The following KDM3A variants were observed in gnomAD, a reference collection of about 807,000 sequenced individuals.
KDM3A encodes lysine demethylase 3A.
In KDM3A, 60 loss-of-function variants were observed where a neutral mutation model predicts 158.0. The ratio of observed to expected loss-of-function variants is 0.38; its 90% confidence interval spans 0.31 to 0.47. KDM3A has a LOEUF of 0.47. Among genes scored for constraint, KDM3A ranks in the 20% least tolerant of loss-of-function variants. The pLI is 0.99. For missense variants in KDM3A, 1,319 were observed against 1,574.3 expected, an observed-to-expected ratio of 0.84 and a Z score of 2.74; for synonymous variants, 608 against 549.3, an observed-to-expected ratio of 1.11 and a Z score of -1.49.
Position 86,484,161 on chromosome 2 carries a change from A to G in KDM3A, c.3094+3A>G. The G allele has an allele frequency of 6.2e-7, 1 of 1,610,346 alleles. No homozygotes were observed. The highest frequency in any genetic ancestry group is 8.5e-7 in the Non-Finnish European group (1 of 1,178,046). On this transcript the variant is annotated splice_donor_region_variant and intron_variant, in intron 19 of 25. Coordinates refer to ENST00000312912, the MANE Select transcript of KDM3A (RefSeq NM_018433.6). ...GGATGGATTTGAAGATGTTCCAAGT[A>G]TGTATGAAAGATCTTTTAAGGGGGT...
chr2:86,456,962 A>G, intron 7 of KDM3A, 21 bp from the exon 8 acceptor site: 1 of 1,582,656 alleles, frequency 6.3e-7, no homozygotes, highest in Non-Finnish European at 8.6e-7. Context: ...AGCCAACTTA[A>G]CCTATTTTTA....
chr2:86,443,457 G>C (rs1347002916), intron 2 of KDM3A: 2 of 152,140 alleles, frequency 1.3e-5, no homozygotes, highest in African/African-American at 2.4e-5. Flanking sequence ...AAAAGGAGGA[G>C]TGACCGAAGA....
chr2:86,467,707 G>A (rs1673218442), intron 10 of KDM3A, among the ~76,000 whole-genome samples: 1 of 152,150 alleles, frequency 6.6e-6, no homozygotes, highest in African/African-American at 2.4e-5. Flanking sequence ...TTAGCTATGT[G>A]GGAAATTGAT....
At chr2:86,478,533 G>C (rs1673770633) in intron 14 of KDM3A, 75 bp from the exon 15 acceptor site, 2 of 1,513,458 alleles carry the variant, frequency 1.3e-6, no homozygotes, top group Non-Finnish European at 1.8e-6. Flanking sequence ...GGGAATGCCA[G>C]CTTCTGCTCT....
At chr2:86,455,944 A>G (rs1353381774) in intron 5 of KDM3A, among the ~76,000 whole-genome samples, 1 of 138,604 alleles carries the variant, frequency 7.2e-6, no homozygotes, top group Non-Finnish European at 1.5e-5. Context: ...TGAGAGCAAG[A>G]CCCTGTCTCA....
At chr2:86,482,715 T>A (rs749265775) in intron 18 of KDM3A, 21 bp downstream of exon 18, 2 of 1,610,946 alleles carry the variant, frequency 1.2e-6, no homozygotes, top group Non-Finnish European at 1.7e-6. Context: ...CCTCCCATCC[T>A]CCTGCCCTAT....
chr2:86,465,102 T>G (rs1354209745), intron 9 of KDM3A, among the ~76,000 whole-genome samples: 1 of 152,218 alleles, frequency 6.6e-6, no homozygotes, highest in Non-Finnish European at 1.5e-5. Context: ...TGAAGTCCTT[T>G]GGTAGAGGCA....
At chr2:86,479,573 A>AG (rs1055902880) in intron 15 of KDM3A, 13 of 131,936 alleles carry the variant, frequency 9.9e-5, no homozygotes, top group African/African-American at 2.7e-4. Flanking sequence ...GGACCACAAC[A>AG]GGGGTTTGAA....
Position 86,482,558 on chromosome 2 carries a change from G to T in KDM3A, c.2786G>T (p.Gly929Val), listed in dbSNP as rs780872286. 3.7e-6 allele frequency: 6 copies of T among 1,613,958 alleles called. No individual in the cohort carries two copies. The highest frequency in any genetic ancestry group is 1.7e-5 in the Admixed American group (1 of 59,994). Residue 929 changes from glycine (G) to valine (V), a missense_variant, in exon 18 of 26, where the codon GGA (glycine) becomes GTA (valine). Physicochemically the swap from Gly to Val is moderately radical, Grantham distance 109 (BLOSUM62 -3). This residue lies in a region of KDM3A where 368 missense variants were observed against 415.8 expected (regional missense o/e 0.89). Transcript: ENST00000312912. ...TCTGATTTATCTAAGAGGCCTCAAG[G>T]ACTAACCATCAAGCCCAGCATTCTG... is the stretch of plus-strand genomic sequence containing the variant. The part of the protein sequence containing the change: ...TTSDLSKRPQ[G>V]LTIKPSILGF...
chr2:86,464,007 T>C (rs1267130557), intron 8 of KDM3A, 46 bp from the exon 9 acceptor site: 1 of 1,388,854 alleles, frequency 7.2e-7, no homozygotes, highest in South Asian at 1.5e-5. Flanking sequence ...TATTATTTCC[T>C]AACTAGGGAC....
At chr2:86,448,051 A>G (rs1001740213) in intron 2 of KDM3A, among the ~76,000 whole-genome samples, 5 of 152,246 alleles carry the variant, frequency 3.3e-5, no homozygotes, top group African/African-American at 1.2e-4. Flanking sequence ...GATTACAGTG[A>G]TAGAAAACAT....
At chr2:86,450,367 T>C (rs1249885160) in intron 3 of KDM3A, among the ~76,000 whole-genome samples, 2 of 152,254 alleles carry the variant, frequency 1.3e-5, no homozygotes, top group East Asian at 1.9e-4. Flanking sequence ...TGGAGCCTTA[T>C]GGCAGCAATG....
At chr2:86,445,094 C>T (rs978236245) in intron 2 of KDM3A, among the ~76,000 whole-genome samples, 2 of 152,062 alleles carry the variant, frequency 1.3e-5, no homozygotes, top group Admixed American at 6.6e-5. Context: ...GAGTTTGTCT[C>T]CAGACCTTAA....
intron 16 of KDM3A, 98 bp from the exon 17 acceptor site, chr2:86,481,832 T>C: frequency 8.8e-6 from 8 of 907,862 alleles, no homozygotes; most frequent in South Asian, 8.3e-5. Context: ...TTTCAGTAAA[T>C]AGAAAGCAAG....
intron 25 of KDM3A, chr2:86,491,827 G>C: frequency 1.8e-6 from 1 of 557,460 alleles, no homozygotes; most frequent in Non-Finnish European, 3.2e-6. Context: ...TCTAAAAGGG[G>C]GAAAATGAGT....
At chr2:86,445,635 C>A (rs1682927846) in intron 2 of KDM3A, among the ~76,000 whole-genome samples, 1 of 152,102 alleles carries the variant, frequency 6.6e-6, no homozygotes, top group Non-Finnish European at 1.5e-5. Context: ...TGTACCATTT[C>A]CTGCTATTGT....
At chr2:86,484,250 A>G (rs1674077588) in intron 19 of KDM3A, 92 bp downstream of exon 19, 6 of 1,087,122 alleles carry the variant, frequency 5.5e-6, no homozygotes, top group African/African-American at 1.6e-5. Context: ...TGGCAGCCGC[A>G]GCATTTTCCA....
At chr2:86,482,334 C>A in intron 17 of KDM3A, 124 bp from the exon 18 acceptor site, 1 of 1,491,466 alleles carries the variant, frequency 6.7e-7, no homozygotes, top group Non-Finnish European at 9.0e-7. Context: ...GGGGACGTAC[C>A]TTTTTGCCTG....
At chr2:86,463,273 T>A (rs1274823072) in intron 8 of KDM3A, among the ~76,000 whole-genome samples, 2 of 152,174 alleles carry the variant, frequency 1.3e-5, no homozygotes, top group Admixed American at 6.5e-5. Flanking sequence ...TTTAAGCACA[T>A]GTGAGGAGCC....
Sources: gnomAD v4.1 joint callset for allele counts (sites outside exome capture counted in the v4.1 genomes callset) on GRCh38, gnomAD v4.1.1 for gene constraint, gnomAD v4.1.1 regional missense constraint, MANE v1.5 for transcripts, NCBI Gene and HGNC (gene_info 2026-07-23, HGNC 2026-07-21) for gene names.